XYLT1: variants seen among roughly 807,000 people sequenced by gnomAD.
XYLT1 encodes the protein beta-D-xylosyltransferase 1.
XYLT1 carries 36 observed loss-of-function variants against 91.3 expected under a neutral mutation model. The ratio of observed to expected loss-of-function variants is 0.39; its 90% CI spans 0.30 to 0.52. XYLT1 has a LOEUF of 0.52. XYLT1 is among the 20% of genes least tolerant of loss of function. The probability of loss-of-function intolerance (pLI) is 0.68; values close to 1 mark genes in which losing one functional copy is unlikely to be tolerated. For missense variants in XYLT1, 1,242 were observed against 1,284.5 expected, an observed-to-expected ratio of 0.97 and a Z score of 0.51; for synonymous variants, 588 against 532.0, an observed-to-expected ratio of 1.11 and a Z score of -1.45.
At chr16:17,211,253 G>A (rs967112516) in intron 3 of XYLT1, among the ~76,000 whole-genome samples, 4 of 152,166 alleles carry the variant, frequency 2.6e-5, no homozygotes, top group African/African-American at 9.7e-5. Context: ...GATGTGCTGA[G>A]TTTGTTAAAC....
At chr16:17,161,799 C>T (rs540112075) in intron 5 of XYLT1, among the ~76,000 whole-genome samples, 2 of 152,114 alleles carry the variant, frequency 1.3e-5, no homozygotes, top group South Asian at 2.1e-4. Flanking sequence ...TCAATTTCCT[C>T]CTACTTTTTG....
Position 17,259,055 on chromosome 16 carries a change from C to A in XYLT1, c.846G>T (p.Glu282Asp). 4 of 1,518,216 alleles carry A rather than the reference C, an allele frequency of 2.6e-6. No homozygotes were observed. Among genetic ancestry groups the A allele is most frequent in the Non-Finnish European group, 3.5e-6 (4 of 1,133,766 alleles). The allele number at this position is 1,518,216 out of a possible 1,614,324, so 94.0% of individuals were successfully genotyped here. A position where few individuals can be genotyped will look rare whatever the true frequency, so the allele number is the denominator to read the frequency against. Reference protein sequence around the residue: ...KSKHCRQEIGETYCRHKLGLL... With the variant: ...KSKHCRQEIGDTYCRHKLGLL... Reference sequence around the variant, plus strand: ...GCCCTAACTTGTGGCGGCAGTAAGTCTCCCCAATCTCCTGGCGGCAGTGCT... The same window carrying A: ...GCCCTAACTTGTGGCGGCAGTAAGTATCCCCAATCTCCTGGCGGCAGTGCT... Residue 282 changes from glutamate (E) to aspartate (D), a missense_variant, in exon 3 of 12, where the codon GAG (glutamate) becomes GAT (aspartate). Glu to Asp is a conservative substitution (Grantham distance 45). Transcript: ENST00000261381.
intron 1 of XYLT1, among the ~76,000 whole-genome samples, chr16:17,363,043 T>C (rs2035405007): frequency 6.6e-6 from 1 of 152,202 alleles, no homozygotes; most frequent in Non-Finnish European, 1.5e-5. Context: ...GGTGTCTCAC[T>C]GTCACTCATC....
chr16:17,462,761 CTTGG>C (rs1223925180), intron 1 of XYLT1, among the ~76,000 whole-genome samples: 1 of 152,168 alleles, frequency 6.6e-6, no homozygotes, highest in Non-Finnish European at 1.5e-5. Flanking sequence ...CCGCTTCTCC[CTTGG>C]TTAGAGAGAG....
chr16:17,387,464 G>A (rs2035761118), intron 1 of XYLT1, among the ~76,000 whole-genome samples: 1 of 152,172 alleles, frequency 6.6e-6, no homozygotes, highest in Non-Finnish European at 1.5e-5. Context: ...AGCACTCCCA[G>A]CTTTCCGGAG....
At chr16:17,459,605 C>T (rs1418668278) in intron 1 of XYLT1, among the ~76,000 whole-genome samples, 4 of 152,160 alleles carry the variant, frequency 2.6e-5, no homozygotes, top group African/African-American at 9.7e-5. Context: ...TAAATCCACC[C>T]ATCCAAAACA....
chr16:17,368,140 G>C (rs866599363), intron 1 of XYLT1, among the ~76,000 whole-genome samples: 19 of 152,280 alleles, frequency 1.2e-4, no homozygotes, highest in South Asian at 6.2e-4. Context: ...CAAACCACGG[G>C]GGGCGGAAAA....
chr16:17,289,114 A>T (rs1359837072), intron 2 of XYLT1, among the ~76,000 whole-genome samples: 1 of 152,176 alleles, frequency 6.6e-6, no homozygotes, highest in Non-Finnish European at 1.5e-5. Context: ...TGGCTAATAA[A>T]TATTTTAGGC....
intron 3 of XYLT1, among the ~76,000 whole-genome samples, chr16:17,228,161 T>G (rs2033100770): frequency 1.3e-5 from 2 of 152,162 alleles, no homozygotes; most frequent in Admixed American, 6.5e-5. Context: ...ACAGTGACCC[T>G]GCTTCTCCAG....
At chr16:17,306,926 A>C (rs1020142671) in intron 2 of XYLT1, among the ~76,000 whole-genome samples, 1 of 152,206 alleles carries the variant, frequency 6.6e-6, no homozygotes, top group African/African-American at 2.4e-5. Flanking sequence ...CCAAGGTCAC[A>C]CAGCTAGAGT....
At position 17,103,806 on chromosome 16, in the gene XYLT1, G is replaced by A. The variant is rs1223030244; in HGVS notation, c.*4889C>T. The A allele has an allele frequency of 6.6e-6, 1 of 152,208 alleles. No individual in the cohort carries two copies. The highest frequency in any genetic ancestry group is 1.5e-5 in the Non-Finnish European group (1 of 68,084). 9.4% of individuals were successfully genotyped at this position (152,208 alleles called of 1,614,324 possible). On this transcript the variant is annotated 3_prime_UTR_variant, in exon 12 of 12. Coordinates refer to ENST00000261381, the MANE Select transcript of XYLT1 (RefSeq NM_022166.4). ...CTTTCTCCCTGCATACGCCTGGTAA[G>A]ACCAGAGCCAAAGACAACGTGAGGG...
At chr16:17,169,945 G>A (rs192599577) in intron 5 of XYLT1, among the ~76,000 whole-genome samples, 2 of 152,274 alleles carry the variant, frequency 1.3e-5, no homozygotes, top group East Asian at 3.9e-4. Flanking sequence ...GCCAAGACAC[G>A]GCTACAAGGA....
intron 5 of XYLT1, among the ~76,000 whole-genome samples, chr16:17,170,465 C>T (rs567927965): frequency 2.6e-5 from 4 of 152,282 alleles, no homozygotes; most frequent in East Asian, 1.9e-4. Flanking sequence ...CTGTAGCCCA[C>T]GGAAACTGCT....
intron 2 of XYLT1, among the ~76,000 whole-genome samples, chr16:17,339,682 T>C (rs1316567578): frequency 6.6e-6 from 1 of 152,190 alleles, no homozygotes; most frequent in East Asian, 1.9e-4. Context: ...GGTGACACTA[T>C]CCTGCTGTAG....
At position 17,305,420 on chromosome 16, in the gene XYLT1, T is replaced by C. The variant is rs561823252; in HGVS notation, c.403-45922A>G. On this transcript the variant is annotated intron_variant, in intron 2 of 11. Coordinates refer to ENST00000261381, the MANE Select transcript of XYLT1 (RefSeq NM_022166.4). ...TACAGAATACCTTCTTCTTCTTCTT[T>C]TTTTTTTTTTTTTGAGATGGAGTCT... Among the ~76,000 whole-genome samples the C allele has an allele frequency of 3.2e-3, 469 of 147,234 alleles. 2 individuals carry two copies. The highest frequency in any genetic ancestry group is 0.011 in the African/African-American group (446 of 40,080).
chr16:17,203,862 T>G (rs1324119620), intron 3 of XYLT1, among the ~76,000 whole-genome samples: 1 of 152,264 alleles, frequency 6.6e-6, no homozygotes, highest in Non-Finnish European at 1.5e-5. Flanking sequence ...ACCCTTGCTT[T>G]TCCCTGTAGC....
At chr16:17,204,721 G>A (rs973753582) in intron 3 of XYLT1, among the ~76,000 whole-genome samples, 20 of 152,264 alleles carry the variant, frequency 1.3e-4, no homozygotes, top group African/African-American at 4.8e-4. Context: ...CTGAGGCTTG[G>A]AGAGGTCCCA....
At chr16:17,248,120 G>C (rs182304769) in intron 3 of XYLT1, among the ~76,000 whole-genome samples, 2 of 152,240 alleles carry the variant, frequency 1.3e-5, no homozygotes, top group East Asian at 3.9e-4. Context: ...ACTGAATCAT[G>C]GGGGTGAGTT....
At chr16:17,160,892 C>T (rs1319691396) in intron 5 of XYLT1, among the ~76,000 whole-genome samples, 2 of 152,328 alleles carry the variant, frequency 1.3e-5, no homozygotes, top group East Asian at 1.9e-4. Context: ...TAAAGAGGCC[C>T]ATTCCAACTG....
Sources: allele counts gnomAD v4.1 joint callset (sites outside exome capture counted in the v4.1 genomes callset), GRCh38; gene constraint gnomAD v4.1.1; transcripts MANE v1.5; gene names NCBI Gene and HGNC (gene_info 2026-07-23, HGNC 2026-07-21).